The following NIPBL variants were observed in gnomAD, a reference collection of about 807,000 sequenced individuals.
NIPBL encodes nipped-B-like protein.
A neutral mutation model predicts 321.8 loss-of-function variants in NIPBL; 19 were observed. The observed-to-expected ratio is 0.06, with a 90% CI of 0.04 to 0.09. NIPBL has a LOEUF of 0.09. Ranked by LOEUF, NIPBL falls within the 10% of genes least tolerant of loss-of-function variation. The pLI, the probability that NIPBL is intolerant of heterozygous loss-of-function variation, is 1.00. For synonymous variants in NIPBL, 1,106 were observed against 1,114.1 expected, an observed-to-expected ratio of 0.99 and a Z score of 0.14; for missense variants, 2,210 against 3,327.0, an observed-to-expected ratio of 0.66 and a Z score of 8.26.
At position 37,060,938 on chromosome 5, in the gene NIPBL, C is replaced by G. The variant is rs757737158; in HGVS notation, c.7780C>G (p.Leu2594Val). ...AGTTCATTTTCATCCAAAACAAACA[C>G]TGGACTTCCTGCGGAGTGACATGGC... Reference protein sequence around the residue: ...TGVHFHPKQTLDFLRSDMANS... With the variant: ...TGVHFHPKQTVDFLRSDMANS... Residue 2594 changes from leucine (L) to valine (V), a missense_variant, in exon 45 of 47, where the codon CTG becomes GTG. This residue lies in a region of NIPBL where 159 missense variants were observed against 319.2 expected (regional missense o/e 0.50). Coordinates refer to ENST00000282516, the MANE Select transcript of NIPBL (RefSeq NM_133433.4). 5.0e-6 allele frequency: 8 copies of G among 1,614,072 alleles called. No individual in the cohort carries two copies. In the South Asian group the frequency reaches 7.7e-5, roughly 16 times the overall value.
intron 10 of NIPBL, among the ~76,000 whole-genome samples, chr5:36,991,944 A>G (rs1745573749): frequency 6.6e-6 from 1 of 152,130 alleles, no homozygotes; most frequent in Non-Finnish European, 1.5e-5. Flanking sequence ...GTTAGTTATC[A>G]AATCAATGAT....
chr5:36,916,518 T>C (rs1177843114), intron 1 of NIPBL, among the ~76,000 whole-genome samples: 1 of 152,232 alleles, frequency 6.6e-6, no homozygotes, highest in Non-Finnish European at 1.5e-5. Context: ...TTTTAAATTA[T>C]ACTTTAAGTT....
intron 17 of NIPBL, among the ~76,000 whole-genome samples, chr5:37,007,093 T>C (rs1747527580): frequency 6.6e-6 from 1 of 151,914 alleles, no homozygotes; most frequent in East Asian, 1.9e-4. Context: ...GATAAAATAA[T>C]ATTTTAGATA....
Position 37,052,912 on chromosome 5 carries a change from G to A in NIPBL, c.7263+346G>A, listed in dbSNP as rs191765577. On this transcript the variant is annotated intron_variant, in intron 42 of 46. Transcript: ENST00000282516. ...ATATTGTTAGAGAATAACTGTTCTA[G>A]GTTTTTGGCTATTGAGATCCCTAGT... Among the ~76,000 whole-genome samples the A allele has an allele frequency of 1.9e-3, 291 of 152,244 alleles. 4 individuals carry two copies. The highest frequency in any genetic ancestry group is 6.7e-3 in the African/African-American group (279 of 41,552).
At chr5:37,020,694 A>T in intron 26 of NIPBL, 21 bp downstream of exon 26, 1 of 1,600,708 alleles carries the variant, frequency 6.2e-7, no homozygotes. Context: ...AGGAGAAAAC[A>T]GTTTACATTT....
rs1338006777 is a variant in NIPBL, at chr5:36,985,452, C to T, written c.2272C>T (p.Pro758Ser). Reference protein sequence around the residue: ...KQKNEGRPETPKHRHDNRRDS... With the variant: ...KQKNEGRPETSKHRHDNRRDS... ...AAAAAATGAAGGGCGACCTGAAACA[C>T]CAAAACACAGGCATGACAATAGGAG... is the stretch of plus-strand genomic sequence containing the variant. Residue 758 changes from proline to serine, a missense_variant, in exon 10 of 47, where the codon CCA becomes TCA. This residue lies in a region of NIPBL where 588 missense variants were observed against 564.1 expected (regional missense o/e 1.04). Transcript: ENST00000282516. 1 of 1,613,514 alleles carries T rather than the reference C, an allele frequency of 6.2e-7. No homozygotes were observed. The highest frequency in any genetic ancestry group is 1.1e-5 in the South Asian group (1 of 91,076).
chr5:37,001,244 C>T (rs1420290971), intron 14 of NIPBL, among the ~76,000 whole-genome samples, 166 bp downstream of exon 14: 15 of 152,116 alleles, frequency 9.9e-5, no homozygotes, highest in Admixed American at 9.8e-4. Context: ...TGTTATTTGA[C>T]TAGCAACTGC....
intron 43 of NIPBL, 47 bp downstream of exon 43, chr5:37,057,379 G>T (rs1266071260): frequency 6.4e-7 from 1 of 1,555,772 alleles, no homozygotes; most frequent in Non-Finnish European, 8.9e-7. Context: ...CAAAGTGCAG[G>T]CATGCTGTTT....
intron 29 of NIPBL, among the ~76,000 whole-genome samples, chr5:37,023,014 T>G (rs1276381351): frequency 6.6e-6 from 1 of 152,220 alleles, no homozygotes; most frequent in South Asian, 2.1e-4. Context: ...CACTACCCAT[T>G]GCAGGCATAT....
At chr5:36,995,590 ATT>A in intron 10 of NIPBL, 30 bp from the exon 11 acceptor site, 1 of 1,426,188 alleles carries the variant, frequency 7.0e-7, no homozygotes, top group Non-Finnish European at 9.7e-7. Flanking sequence ...TCAGATTTAC[ATT>A]TTTTTTTTAA....
intron 42 of NIPBL, among the ~76,000 whole-genome samples, chr5:37,054,975 A>G (rs1753944021): frequency 6.6e-6 from 1 of 152,152 alleles, no homozygotes; most frequent in African/African-American, 2.4e-5. Flanking sequence ...AGAGCAGTTT[A>G]GGAAGATGAA....
chr5:36,880,534 C>T (rs1745425259), intron 1 of NIPBL, among the ~76,000 whole-genome samples: 1 of 151,938 alleles, frequency 6.6e-6, no homozygotes, highest in African/African-American at 2.4e-5. Flanking sequence ...AACTTTAATT[C>T]TGTTTATCAC....
At chr5:36,944,160 A>G (rs1437980726) in intron 1 of NIPBL, among the ~76,000 whole-genome samples, 1 of 152,114 alleles carries the variant, frequency 6.6e-6, no homozygotes, top group Non-Finnish European at 1.5e-5. Context: ...AAGTAGGGAC[A>G]ATTATTTGCA....
At chr5:36,946,516 T>C (rs1383244224) in intron 1 of NIPBL, among the ~76,000 whole-genome samples, 1 of 151,978 alleles carries the variant, frequency 6.6e-6, no homozygotes, top group Non-Finnish European at 1.5e-5. Flanking sequence ...AATAATTCTA[T>C]ATATTAAATT....
chr5:36,945,608 A>G (rs1020674044), intron 1 of NIPBL, among the ~76,000 whole-genome samples: 2 of 152,206 alleles, frequency 1.3e-5, no homozygotes, highest in Non-Finnish European at 2.9e-5. Context: ...TCAGGGTTCC[A>G]GAAGCAAAGC....
At chr5:36,997,707 G>A (rs1023637848) in intron 11 of NIPBL, among the ~76,000 whole-genome samples, 6 of 152,124 alleles carry the variant, frequency 3.9e-5, no homozygotes, top group Non-Finnish European at 8.8e-5. Flanking sequence ...AGTAACTATA[G>A]AAAAGTGGAC....
At chr5:36,901,382 T>C (rs1205745940) in intron 1 of NIPBL, among the ~76,000 whole-genome samples, 1 of 152,170 alleles carries the variant, frequency 6.6e-6, no homozygotes, top group Non-Finnish European at 1.5e-5. Context: ...GTCTTTGCTA[T>C]TGTGAATAGT....
At chr5:37,054,597 A>G (rs1489326216) in intron 42 of NIPBL, among the ~76,000 whole-genome samples, 2 of 152,138 alleles carry the variant, frequency 1.3e-5, no homozygotes, top group Non-Finnish European at 2.9e-5. Flanking sequence ...TGCCTGCTTT[A>G]TGTCATTGAC....
intron 6 of NIPBL, among the ~76,000 whole-genome samples, chr5:36,963,234 A>G (rs940020287): frequency 6.6e-6 from 1 of 152,160 alleles, no homozygotes; most frequent in African/African-American, 2.4e-5. Flanking sequence ...AGTGCAAAGG[A>G]TAATATAAAA....
Sources: gnomAD v4.1 joint callset for allele counts (sites outside exome capture counted in the v4.1 genomes callset) on GRCh38, gnomAD v4.1.1 for gene constraint, gnomAD v4.1.1 regional missense constraint, MANE v1.5 for transcripts, NCBI Gene and HGNC (gene_info 2026-07-23, HGNC 2026-07-21) for gene names.